Variants in DIAPH2 observed in about 807,000 individuals in gnomAD.
The protein encoded by DIAPH2 is protein diaphanous homolog 2.
Under a neutral mutation model 92.7 loss-of-function variants are expected in DIAPH2, and 35 were observed. That is an observed-to-expected ratio of 0.38 (90% CI 0.29 to 0.50). The LOEUF is 0.50. DIAPH2 is among the 20% of genes least tolerant of loss of function. DIAPH2 has a pLI of 0.94. For synonymous variants in DIAPH2, 301 were observed against 280.4 expected (o/e 1.07, Z -0.73); for missense variants, 701 against 819.5 (o/e 0.86, Z 1.77).
At chrX:97,124,533 T>C (rs1490009297) in intron 21 of DIAPH2, among the ~76,000 whole-genome samples, 3 of 112,651 alleles carry the variant, frequency 2.7e-5, no homozygotes, top group African/African-American at 9.7e-5. Context: ...TTTCAGTTTG[T>C]TAAATTCTCT....
rs958991841 is a variant in DIAPH2, at chrX:97,476,944, C to CAA, written c.3241+47223_3241+47224dup. 2.7e-3 allele frequency among the ~76,000 whole-genome samples: 36 copies of CAA among 13,400 alleles called. 4 individuals carry two copies. Among genetic ancestry groups the CAA allele is most frequent in the African/African-American group, 0.018 (35 of 1,996 alleles). 11.6% of individuals were successfully genotyped at this position (13,400 alleles called of 115,157 possible). A position where few individuals can be genotyped will look rare whatever the true frequency, so the allele number is the denominator to read the frequency against. ...GGGCAACAAGAGCAAAACTCTGTCT[C>CAA]AAAAAAAAAAAAAAAAAAAAAAAAA... On this transcript the variant is annotated intron_variant, in intron 26 of 26. Transcript: ENST00000324765.
At chrX:97,515,253 G>A (rs2070935315) in intron 26 of DIAPH2, among the ~76,000 whole-genome samples, 2 of 112,561 alleles carry the variant, frequency 1.8e-5, no homozygotes, top group African/African-American at 6.4e-5. Context: ...GCAGTATTCG[G>A]GTGGGAGTGA....
intron 5 of DIAPH2, among the ~76,000 whole-genome samples, chrX:96,886,913 T>C (rs1191281199): frequency 1.8e-5 from 2 of 108,320 alleles, no homozygotes; most frequent in Non-Finnish European, 3.8e-5. Flanking sequence ...AAAAAACTCT[T>C]TTTTTTTTGT....
chrX:97,021,418 G>A (rs1336842688), intron 17 of DIAPH2, among the ~76,000 whole-genome samples: 1 of 111,324 alleles, frequency 9.0e-6, no homozygotes, highest in Non-Finnish European at 1.9e-5. Context: ...GGCTGGTGTC[G>A]AACTCCTGGC....
intron 22 of DIAPH2, among the ~76,000 whole-genome samples, chrX:97,182,276 G>A (rs1006041726): frequency 1.8e-5 from 2 of 111,837 alleles, no homozygotes; most frequent in African/African-American, 6.5e-5. Flanking sequence ...AATTTGAGGA[G>A]CAATAAGTAG....
chrX:97,129,115 T>TCTTTG (rs1205133150), intron 21 of DIAPH2, among the ~76,000 whole-genome samples: 3 of 78,465 alleles, frequency 3.8e-5, no homozygotes, highest in Non-Finnish European at 6.8e-5. Context: ...TCTTTTCTTT[T>TCTTTG]CTTTTCTTTT....
chrX:97,027,837 C>T (rs1330610744), intron 17 of DIAPH2, among the ~76,000 whole-genome samples: 1 of 112,196 alleles, frequency 8.9e-6, no homozygotes, highest in Admixed American at 9.5e-5. Context: ...GCTTCCAACA[C>T]GCTGAGGCGC....
intron 26 of DIAPH2, among the ~76,000 whole-genome samples, chrX:97,436,320 T>TA (rs1432682821): frequency 9.0e-6 from 1 of 110,962 alleles, no homozygotes; most frequent in African/African-American, 3.3e-5. Context: ...TTCTAGACAT[T>TA]AAAAAAACAC....
intron 26 of DIAPH2, among the ~76,000 whole-genome samples, chrX:97,594,699 T>C: frequency 8.9e-6 from 1 of 112,597 alleles, no homozygotes; most frequent in Non-Finnish European, 1.9e-5. Flanking sequence ...AGAGGGTTTC[T>C]TTTACTTTGT....
rs142702881 is a variant in DIAPH2 at position 96,736,733 on chromosome X, A to C, written c.165+943A>C. 4.7e-3 allele frequency among the ~76,000 whole-genome samples: 530 copies of C among 112,335 alleles called. 5 individuals are homozygous for C. The highest frequency in any genetic ancestry group is 0.017 in the African/African-American group (513 of 30,926). On this transcript the variant is annotated intron_variant, in intron 2 of 26. Transcript: ENST00000324765. ...CATTTTCTTACCAAGGTATAGCTGA[A>C]ATCAAAAGCTAATTTTCTAGATAAA...
At chrX:97,161,064 T>TC (rs2067368167) in intron 22 of DIAPH2, among the ~76,000 whole-genome samples, 2 of 105,260 alleles carry the variant, frequency 1.9e-5, no homozygotes, top group Admixed American at 2.0e-4. Flanking sequence ...TTTTTTTTTT[T>TC]TTTCCTCCCT....
chrX:97,307,874 C>T (rs1360830529), intron 23 of DIAPH2, among the ~76,000 whole-genome samples: 2 of 100,699 alleles, frequency 2.0e-5, no homozygotes, highest in Non-Finnish European at 4.0e-5. Flanking sequence ...CGCCATTGCA[C>T]TCCAGCCTGG....
intron 4 of DIAPH2, among the ~76,000 whole-genome samples, chrX:96,820,016 C>T (rs980546346): frequency 5.4e-5 from 6 of 112,071 alleles, no homozygotes; most frequent in Non-Finnish European, 1.1e-4. Context: ...TCCACGTACA[C>T]CGAAAGTTAT....
At chrX:97,537,655 C>T (rs972741626) in intron 26 of DIAPH2, among the ~76,000 whole-genome samples, 6 of 111,139 alleles carry the variant, frequency 5.4e-5, no homozygotes, top group East Asian at 2.9e-4. Flanking sequence ...CTTCTGTGCT[C>T]ACTCTCTGTC....
intron 25 of DIAPH2, among the ~76,000 whole-genome samples, chrX:97,426,325 C>T (rs1465261293): frequency 1.9e-5 from 2 of 107,305 alleles, no homozygotes; most frequent in African/African-American, 3.4e-5. Context: ...CGCCCTGTCA[C>T]CCAGGCTGGA....
intron 14 of DIAPH2, 33 bp downstream of exon 14, chrX:96,945,624 G>T (rs1404363694): frequency 2.0e-6 from 2 of 1,012,275 alleles, no homozygotes; most frequent in Admixed American, 7.3e-5. Flanking sequence ...ATAATCGTTA[G>T]GTTAATAATT....
chrX:97,594,280 C>G (rs1436102612), intron 26 of DIAPH2, among the ~76,000 whole-genome samples: 6 of 111,375 alleles, frequency 5.4e-5, no homozygotes, highest in Non-Finnish European at 1.1e-4. Context: ...TTGGCTGTCC[C>G]CCACAAAGAG....
chrX:96,763,762 C>T (rs1602488445), intron 4 of DIAPH2, among the ~76,000 whole-genome samples: 2 of 111,371 alleles, frequency 1.8e-5, no homozygotes, highest in South Asian at 7.5e-4. Flanking sequence ...ACATGATACA[C>T]TATTATATAA....
chrX:97,373,952 G>A (rs1049084619), intron 24 of DIAPH2, among the ~76,000 whole-genome samples: 7 of 111,047 alleles, frequency 6.3e-5, no homozygotes, highest in Admixed American at 1.9e-4. Flanking sequence ...GATGAGGAGC[G>A]AGGGAGACCA....
Sources: gnomAD v4.1 joint callset for allele counts (sites outside exome capture counted in the v4.1 genomes callset) on GRCh38, gnomAD v4.1.1 for gene constraint, MANE v1.5 for transcripts, NCBI Gene and HGNC (gene_info 2026-07-23, HGNC 2026-07-21) for gene names.